The following SLC9A9 variants were observed in gnomAD, a reference collection of about 807,000 sequenced individuals.
SLC9A9 encodes the protein sodium/hydrogen exchanger 9.
Under a neutral mutation model 77.8 loss-of-function variants are expected in SLC9A9, and 62 were observed. The observed-to-expected ratio is 0.80, with a 90% CI of 0.65 to 0.98. The LOEUF (loss-of-function observed/expected upper bound fraction) is 0.98, where lower values mean the gene tolerates loss of function less well. Among genes scored for constraint, SLC9A9 ranks in the 50% least tolerant of loss-of-function variants. SLC9A9 has a pLI of 0.00. For missense variants in SLC9A9, 775 were observed against 774.9 expected (o/e 1.00, Z 0.00); for synonymous variants, 320 against 283.5 (o/e 1.13, Z -1.29).
chr3:143,695,295 C>T (rs1445667284), intron 4 of SLC9A9, among the ~76,000 whole-genome samples: 2 of 152,118 alleles, frequency 1.3e-5, no homozygotes, highest in Non-Finnish European at 2.9e-5. Flanking sequence ...ATCAACCTGT[C>T]ATCTACATTA....
intron 6 of SLC9A9, among the ~76,000 whole-genome samples, chr3:143,580,043 G>A (rs1436195757): frequency 6.6e-6 from 1 of 152,290 alleles, no homozygotes; most frequent in East Asian, 1.9e-4. Context: ...AAATGTATGC[G>A]AGAAAAGGAC....
At chr3:143,476,299 G>A (rs1012584719) in intron 11 of SLC9A9, among the ~76,000 whole-genome samples, 1 of 152,194 alleles carries the variant, frequency 6.6e-6, no homozygotes, top group Non-Finnish European at 1.5e-5. Flanking sequence ...AACTAAGCCT[G>A]TGTTAGACAA....
chr3:143,503,711 C>CCATG, intron 9 of SLC9A9: 1 of 373,786 alleles, frequency 2.7e-6, no homozygotes, highest in South Asian at 2.1e-5. Flanking sequence ...GAGCGGCCAC[C>CCATG]CATGGTCTTC....
chr3:143,584,248 G>A (rs1265218309), intron 6 of SLC9A9, among the ~76,000 whole-genome samples: 1 of 152,014 alleles, frequency 6.6e-6, no homozygotes, highest in African/African-American at 2.4e-5. Flanking sequence ...GGGCTGCTGA[G>A]ACACTTTGCC....
At chr3:143,622,715 C>T (rs1194735381) in intron 6 of SLC9A9, among the ~76,000 whole-genome samples, 1 of 152,132 alleles carries the variant, frequency 6.6e-6, no homozygotes, top group African/African-American at 2.4e-5. Flanking sequence ...AACTAACAAG[C>T]AAAATAACCA....
At chr3:143,479,414 A>AT (rs1320707983) in intron 11 of SLC9A9, among the ~76,000 whole-genome samples, 1 of 148,840 alleles carries the variant, frequency 6.7e-6, no homozygotes, top group South Asian at 2.2e-4. Context: ...CCCCTGCCTA[A>AT]TTAAAAAAAA....
chr3:143,826,259 G>GA (rs796267230), intron 2 of SLC9A9, among the ~76,000 whole-genome samples: 23,893 of 148,538 alleles, frequency 0.16, 5,224 homozygotes, highest in African/African-American at 0.5. Context: ...ACTCTGTCTT[G>GA]AAAAAAAAAA....
At chr3:143,560,916 C>T (rs2037073589) in intron 8 of SLC9A9, among the ~76,000 whole-genome samples, 1 of 152,212 alleles carries the variant, frequency 6.6e-6, no homozygotes, top group Non-Finnish European at 1.5e-5. Context: ...CGCGGTGGCT[C>T]ACGCCTGTAA....
chr3:143,303,509 A>G (rs2030630137), intron 14 of SLC9A9, among the ~76,000 whole-genome samples: 2 of 152,128 alleles, frequency 1.3e-5, no homozygotes, highest in South Asian at 4.1e-4. Flanking sequence ...AGGCAGCAAG[A>G]GGAGGACTAA....
chr3:143,631,273 T>G (rs752281002), intron 6 of SLC9A9, among the ~76,000 whole-genome samples: 3 of 152,182 alleles, frequency 2.0e-5, no homozygotes, highest in Non-Finnish European at 4.4e-5. Flanking sequence ...AAATTTCTAA[T>G]GCACTTTTGA....
intron 4 of SLC9A9, among the ~76,000 whole-genome samples, chr3:143,768,760 A>C (rs992223983): frequency 1.3e-4 from 20 of 152,160 alleles, no homozygotes; most frequent in African/African-American, 4.6e-4. Context: ...GGGAAATGGG[A>C]TTTCTTGGGA....
chr3:143,455,137 A>C (rs1330538316), intron 12 of SLC9A9, among the ~76,000 whole-genome samples: 1 of 152,216 alleles, frequency 6.6e-6, no homozygotes, highest in Non-Finnish European at 1.5e-5. Flanking sequence ...TACCAACCAC[A>C]GATAGACACT....
At chr3:143,722,759 G>C (rs913544131) in intron 4 of SLC9A9, among the ~76,000 whole-genome samples, 1 of 151,818 alleles carries the variant, frequency 6.6e-6, no homozygotes, top group Non-Finnish European at 1.5e-5. Context: ...CCACTAATTG[G>C]TCTCTGTGCT....
At chr3:143,532,286 A>G (rs1480818881) in intron 9 of SLC9A9, among the ~76,000 whole-genome samples, 2 of 152,188 alleles carry the variant, frequency 1.3e-5, no homozygotes, top group African/African-American at 4.8e-5. Flanking sequence ...GGCAGATTTC[A>G]AGCTACCACT....
chr3:143,435,938 T>C (rs567304998), intron 12 of SLC9A9, among the ~76,000 whole-genome samples: 1 of 152,294 alleles, frequency 6.6e-6, no homozygotes, highest in South Asian at 2.1e-4. Context: ...CCTGGGCCAG[T>C]GACAGAACTA....
At position 143,410,580 on chromosome 3, in the gene SLC9A9, C is replaced by T. The variant is rs148830521; in HGVS notation, c.1470-28466G>A. On this transcript the variant is annotated intron_variant, in intron 12 of 15. Coordinates refer to ENST00000316549, the MANE Select transcript of SLC9A9 (RefSeq NM_173653.4). ...CCAGCTCTTCATTTTGATCCTGCTG[C>T]TTCTGTATCTCAGGACTTTATTATA... is the stretch of plus-strand genomic sequence containing the variant. 4.2e-3 allele frequency among the ~76,000 whole-genome samples: 639 copies of T among 152,322 alleles called. 4 individuals are homozygous for T. Among genetic ancestry groups the T allele is most frequent in the African/African-American group, 0.015 (608 of 41,566 alleles).
chr3:143,747,776 A>G (rs1218969109), intron 4 of SLC9A9, among the ~76,000 whole-genome samples: 1 of 152,220 alleles, frequency 6.6e-6, no homozygotes, highest in East Asian at 1.9e-4. Context: ...CTGGAAAATC[A>G]TATATTTCGA....
intron 4 of SLC9A9, among the ~76,000 whole-genome samples, chr3:143,709,058 C>T (rs1309175151): frequency 2.0e-5 from 3 of 152,076 alleles, no homozygotes; most frequent in African/African-American, 7.2e-5. Context: ...GGAGTCACTA[C>T]TGGAAAAAGT....
At chr3:143,271,673 T>C (rs1240336172) in intron 14 of SLC9A9, among the ~76,000 whole-genome samples, 1 of 152,214 alleles carries the variant, frequency 6.6e-6, no homozygotes, top group Non-Finnish European at 1.5e-5. Flanking sequence ...CTATTTTTGT[T>C]AAACTTTATT....
Sources: allele counts gnomAD v4.1 joint callset (sites outside exome capture counted in the v4.1 genomes callset), GRCh38; gene constraint gnomAD v4.1.1; transcripts MANE v1.5; gene names NCBI Gene and HGNC (gene_info 2026-07-23, HGNC 2026-07-21).